The following CUL4B variants were observed in gnomAD, a reference collection of about 807,000 sequenced individuals.
CUL4B encodes the protein cullin 4B, also known as cullin-4B.
Under a neutral mutation model 69.2 loss-of-function variants are expected in CUL4B, and 1 was observed. The ratio of observed to expected loss-of-function variants is 0.01; its 90% CI spans 0.01 to 0.07. The LOEUF is 0.07. Among genes scored for constraint, CUL4B ranks in the 10% least tolerant of loss-of-function variants. The pLI is 1.00. For synonymous variants in CUL4B, 237 were observed against 223.2 expected, an observed-to-expected ratio of 1.06 and a Z score of -0.55; for missense variants, 328 against 638.8, an observed-to-expected ratio of 0.51 and a Z score of 5.24.
At chrX:120,570,644 A>G (rs192864986), downstream of CUL4B, among the ~76,000 whole-genome samples, 955 of 112,529 alleles carry the variant, frequency 8.5e-3, 4 homozygotes, top group Non-Finnish European at 0.012. Context: ...CCTATTCTGC[A>G]TGCAGACTTC....
chrX:120,562,120 C>A (rs910643638), upstream of CUL4B, among the ~76,000 whole-genome samples: 4 of 111,685 alleles, frequency 3.6e-5, no homozygotes, highest in African/African-American at 1.3e-4. Context: ...AACCCCCACT[C>A]TATCAGTCCT....
At chrX:120,572,299 A>T (rs1925731314) in intron 2 of CUL4B, among the ~76,000 whole-genome samples, 1 of 108,618 alleles carries the variant, frequency 9.2e-6, no homozygotes, top group Admixed American at 1.0e-4. Flanking sequence ...CCCTGTCTTT[A>T]CTTAAAAAAT....
chrX:120,532,694 T>A (rs1923391371), intron 17 of CUL4B, 100 bp from the exon 18 acceptor site: 19 of 783,324 alleles, frequency 2.4e-5, no homozygotes, highest in Non-Finnish European at 3.5e-5. Context: ...TTAAAACTAT[T>A]TCATTTTTTC....
At chrX:120,570,562 A>G (rs1271666058), downstream of CUL4B, among the ~76,000 whole-genome samples, 2 of 112,417 alleles carry the variant, frequency 1.8e-5, no homozygotes, top group Admixed American at 1.9e-4. Flanking sequence ...GCATTTGAAT[A>G]TACTAATTGT....
chrX:120,545,626 T>A (rs1484646680), intron 4 of CUL4B, 109 bp from the exon 5 acceptor site: 1 of 529,677 alleles, frequency 1.9e-6, no homozygotes, highest in East Asian at 3.7e-5. Flanking sequence ...TATATTACAT[T>A]ACTAAGATCA....
chrX:120,537,140 G>T, intron 14 of CUL4B, 106 bp from the exon 15 acceptor site: 1 of 584,327 alleles, frequency 1.7e-6, no homozygotes, highest in South Asian at 2.4e-5. Flanking sequence ...TGCAAACACT[G>T]ACCATCCTTA....
intron 10 of CUL4B, 53 bp downstream of exon 10, chrX:120,541,549 T>C (rs1433207191): frequency 3.6e-6 from 3 of 828,864 alleles, no homozygotes; most frequent in East Asian, 6.3e-5. Context: ...ATATGCACTC[T>C]TGATGTGTAG....
At chrX:120,573,893 TGCTCACTGCAA>T (rs916611101) in intron 2 of CUL4B, among the ~76,000 whole-genome samples, 2 of 111,769 alleles carry the variant, frequency 1.8e-5, no homozygotes, top group African/African-American at 6.5e-5. Flanking sequence ...GCACAATCTC[TGCTCACTGCAA>T]GCTCCGCCTC....
chrX:120,557,825 C>T (rs770619686), intron 2 of CUL4B, 99 bp downstream of exon 2: 12 of 503,482 alleles, frequency 2.4e-5, no homozygotes, highest in Admixed American at 7.2e-5. Context: ...TAGAAGGGAA[C>T]CAAAAGTCTA....
At chrX:120,550,331 A>C (rs1257169884) in intron 2 of CUL4B, among the ~76,000 whole-genome samples, 1 of 112,391 alleles carries the variant, frequency 8.9e-6, no homozygotes, top group Non-Finnish European at 1.9e-5. Context: ...GAATACATGA[A>C]GTATTCAAAA....
In CUL4B at chrX:120,544,741, C is replaced by A. The variant is rs976228750; in HGVS notation, c.921-98G>T. 7 of 676,189 alleles carry A rather than the reference C, an allele frequency of 1.0e-5. No individual in the cohort carries two copies. In the Middle Eastern group the frequency reaches 1.9e-3, roughly 187 times the overall value. The allele number at this position is 676,189 out of a possible 1,213,427, so 55.7% of individuals were successfully genotyped here. On this transcript the variant is annotated intron_variant, in intron 5 of 19. Transcript: ENST00000371322. ...CCACATGTTCCCATGCTAATTAGGGCTCCAGGGCTTTGAAGCAGCAATTGT... is the reference window on the plus strand; with the variant it reads ...CCACATGTTCCCATGCTAATTAGGGATCCAGGGCTTTGAAGCAGCAATTGT...
At chrX:120,564,694 G>A (rs933687103), upstream of CUL4B, among the ~76,000 whole-genome samples, 6 of 112,432 alleles carry the variant, frequency 5.3e-5, no homozygotes, top group Admixed American at 4.7e-4. Context: ...GAACATAAGC[G>A]TATATTCTGT....
At chrX:120,572,480 A>G (rs951137788) in intron 2 of CUL4B, among the ~76,000 whole-genome samples, 52 of 106,798 alleles carry the variant, frequency 4.9e-4, no homozygotes, top group East Asian at 1.4e-3. Flanking sequence ...AAAAAAAAAA[A>G]AAAGAAAAAG....
At chrX:120,567,385 C>T (rs1193025095), downstream of CUL4B, among the ~76,000 whole-genome samples, 1 of 109,951 alleles carries the variant, frequency 9.1e-6, no homozygotes, top group Non-Finnish European at 1.9e-5. Flanking sequence ...CCTCGGCCTC[C>T]CAAAGTGGTA....
chrX:120,559,229 G>C (rs1274122149), intron 1 of CUL4B, among the ~76,000 whole-genome samples: 1 of 111,769 alleles, frequency 8.9e-6, no homozygotes, highest in African/African-American at 3.3e-5. Context: ...TGATTACCTG[G>C]CAGTTACGGG....
chrX:120,572,923 T>G (rs1158995554), intron 2 of CUL4B, among the ~76,000 whole-genome samples: 4 of 111,626 alleles, frequency 3.6e-5, no homozygotes, highest in Non-Finnish European at 7.5e-5. Context: ...GTTTTGGAAG[T>G]TCTACATACT....
intron 8 of CUL4B, 37 bp downstream of exon 8, chrX:120,543,690 C>G (rs774840403): frequency 1.0e-6 from 1 of 984,837 alleles, no homozygotes; most frequent in South Asian, 1.9e-5. Flanking sequence ...GATTTAACGA[C>G]AGTTTAAGAC....
downstream of CUL4B, among the ~76,000 whole-genome samples, chrX:120,567,889 G>C (rs1925603898): frequency 9.2e-6 from 1 of 108,663 alleles, no homozygotes; most frequent in South Asian, 3.9e-4. Context: ...AAAAAAAACA[G>C]CTCTCCAGGA....
In CUL4B at chrX:120,526,761, C is replaced by A; in HGVS notation, c.2688G>T (p.Ter896TyrextTer18). 1 of 1,162,965 alleles carries A rather than the reference C, an allele frequency of 8.6e-7. No homozygotes were observed. Among genetic ancestry groups the A allele is most frequent in the South Asian group, 1.8e-5 (1 of 55,824 alleles). Residue 896 changes from the stop codon to tyrosine (Y), a stop_lost, in exon 20 of 20, where the codon TAG (stop) becomes TAT (tyrosine). Coordinates refer to ENST00000371322, the MANE Select transcript of CUL4B (RefSeq NM_001079872.2). ...ENPNQYNYIA[*>Y] is the part of the protein sequence containing the mutation. ...CACCAAATGCTGCAAGGCCAACATT[C>A]TATGCAATATAGTTGTACTGGTTTG...
Sources: gnomAD v4.1 joint callset for allele counts (sites outside exome capture counted in the v4.1 genomes callset) on GRCh38, gnomAD v4.1.1 for gene constraint, MANE v1.5 for transcripts, NCBI Gene and HGNC (gene_info 2026-07-23, HGNC 2026-07-21) for gene names.